DEF6: variants seen among roughly 807,000 people sequenced by gnomAD.
DEF6 encodes the protein differentially expressed in FDCP 6 homolog.
Under a neutral mutation model 80.5 loss-of-function variants are expected in DEF6, and 32 were observed. The observed-to-expected ratio is 0.40, with a 90% confidence interval of 0.30 to 0.53. The LOEUF (loss-of-function observed/expected upper bound fraction) is 0.53. Ranked by LOEUF, DEF6 falls within the 20% of genes least tolerant of loss-of-function variation. The pLI is 0.57. For missense variants in DEF6, 575 were observed against 818.7 expected, an observed-to-expected ratio of 0.70 and a Z score of 3.63; for synonymous variants, 300 against 337.9, an observed-to-expected ratio of 0.89 and a Z score of 1.23.
At chr6:35,314,087 A>T (rs1284647919) in intron 5 of DEF6, among the ~76,000 whole-genome samples, 7 of 152,058 alleles carry the variant, frequency 4.6e-5, no homozygotes, top group Admixed American at 4.6e-4. Flanking sequence ...CCCTTTCTCC[A>T]CGTCTTCTCC....
At chr6:35,299,775 G>T (rs1000813037) in intron 1 of DEF6, among the ~76,000 whole-genome samples, 33 of 152,054 alleles carry the variant, frequency 2.2e-4, no homozygotes, top group African/African-American at 6.8e-4. Context: ...CTAACAGTGG[G>T]AGTCTCAGGG....
intron 5 of DEF6, 169 bp from the exon 6 acceptor site, chr6:35,317,722 A>C: frequency 1.7e-4 from 83 of 475,068 alleles, no homozygotes; most frequent in Non-Finnish European, 1.9e-4. Context: ...AGTTGTGGGG[A>C]CTTAAGTCCC....
At chr6:35,317,854 G>A in intron 5 of DEF6, 37 bp from the exon 6 acceptor site, 1 of 1,591,864 alleles carries the variant, frequency 6.3e-7, no homozygotes, top group Non-Finnish European at 8.6e-7. Context: ...CTGACCCAGT[G>A]AGGCCAGCCT....
chr6:35,304,731 G>A (rs1275714584), intron 1 of DEF6, among the ~76,000 whole-genome samples: 1 of 152,068 alleles, frequency 6.6e-6, no homozygotes, highest in Non-Finnish European at 1.5e-5. Flanking sequence ...TGGAGTCAAG[G>A]TTGAGATTAG....
chr6:35,307,281 C>G (rs1288816617), intron 1 of DEF6, among the ~76,000 whole-genome samples: 1 of 152,212 alleles, frequency 6.6e-6, no homozygotes, highest in African/African-American at 2.4e-5. Flanking sequence ...CGTCAGCAAT[C>G]CCAGCTACTC....
chr6:35,300,754 C>T (rs1791303873), intron 1 of DEF6, among the ~76,000 whole-genome samples: 1 of 152,034 alleles, frequency 6.6e-6, no homozygotes, highest in Non-Finnish European at 1.5e-5. Flanking sequence ...GCAAGGTTCC[C>T]AGAACCGCCT....
intron 5 of DEF6, among the ~76,000 whole-genome samples, chr6:35,314,597 C>T (rs1342051025): frequency 6.6e-6 from 1 of 151,950 alleles, no homozygotes. Context: ...ATCTTTTGCC[C>T]ATTTTTAAAC....
At position 35,318,141 on chromosome 6, in the gene DEF6, G is replaced by A. The variant is rs745903640; in HGVS notation, c.917-32G>A. On this transcript the variant is annotated intron_variant, in intron 6 of 10. Transcript: ENST00000316637. The surrounding 1 kb of genome is among the most constrained non-coding windows in gnomAD (Gnocchi z 5.1). ...AGGCCCCTTTCGGGCCGTGTGCGAGGATCCTACTGACCCGCTCCCGCTCTT... is the reference window on the plus strand; with the variant it reads ...AGGCCCCTTTCGGGCCGTGTGCGAGAATCCTACTGACCCGCTCCCGCTCTT... 7.1e-5 allele frequency: 109 copies of A among 1,535,860 alleles called. No homozygotes were observed. The highest frequency in any genetic ancestry group is 1.0e-4 in the Admixed American group (5 of 48,594).
chr6:35,318,499 G>A lies in DEF6; in HGVS notation c.1215+28G>A. On this transcript the variant is annotated intron_variant, in intron 7 of 10. Transcript: ENST00000316637. This position sits in a 1 kb window ranked among gnomAD's most constrained non-coding sequence, Gnocchi z 5.1. ...GGGGTTAGCTCCCGGCGCCGGGGAC[G>A]GGACCGGTGGGCTGGGAGGCTGGCC... The A allele has an allele frequency of 2.9e-6, 4 of 1,369,730 alleles. No homozygotes were observed. Among genetic ancestry groups the A allele is most frequent in the South Asian group, 1.7e-5 (1 of 58,354 alleles). 84.8% of individuals were successfully genotyped at this position (1,369,730 alleles called of 1,614,324 possible).
At chr6:35,307,761 C>T (rs905557985) in intron 1 of DEF6, among the ~76,000 whole-genome samples, 7 of 152,326 alleles carry the variant, frequency 4.6e-5, no homozygotes, top group Admixed American at 6.5e-5. Context: ...GGATCTCCCA[C>T]TTCCCAGTTT....
rs1791435672 is a variant in DEF6, at chr6:35,309,549, C to G, written c.97-121C>G. The G allele has an allele frequency of 7.3e-6, 8 of 1,092,674 alleles. 1 individual carries two copies. Among genetic ancestry groups the G allele is most frequent in the East Asian group, 4.8e-5 (2 of 41,904 alleles). The allele number at this position is 1,092,674 out of a possible 1,614,324, so 67.7% of individuals were successfully genotyped here. ...AAGTTTTAGTTATTACTGAACTGAA[C>G]AGTGTGTGTAGAGAACTCAGCCAGG... On this transcript the variant is annotated intron_variant, in intron 1 of 10. Coordinates refer to ENST00000316637, the MANE Select transcript of DEF6 (RefSeq NM_022047.4).
chr6:35,318,250 C>T lies in DEF6; in HGVS notation c.994C>T (p.Gln332Ter). The T allele has an allele frequency of 6.3e-7, 1 of 1,579,688 alleles. No individual in the cohort carries two copies. The highest frequency in any genetic ancestry group is 1.1e-5 in the South Asian group (1 of 87,792). The change falls in exon 7 of 11, where the codon CAG becomes TAG. Residue 332 changes from glutamine to a stop codon, truncating the protein, a stop_gained. Coordinates refer to ENST00000316637, the MANE Select transcript of DEF6 (RefSeq NM_022047.4). LOFTEE classifies it high-confidence loss of function. This position sits in a 1 kb window ranked among gnomAD's most constrained non-coding sequence, Gnocchi z 5.1. ...HKDLKQKRREQREQRERRRAA... is the reference protein window; with the variant it reads ...HKDLKQKRRE ...GGACCTGAAGCAGAAACGGCGCGAG[C>T]AGCGGGAGCAGCGGGAGCGGCGCCG...
Position 35,319,838 on chromosome 6 carries a change from G to A in DEF6, c.1402G>A (p.Glu468Lys). 6.3e-7 allele frequency: 1 copy of A among 1,593,686 alleles called. No homozygotes were observed. The highest frequency in any genetic ancestry group is 8.5e-7 in the Non-Finnish European group (1 of 1,169,924). Residue 468 changes from glutamate (E) to lysine (K), a missense_variant, in exon 9 of 11, where the codon GAG becomes AAG. Physicochemically the swap from Glu to Lys is moderately conservative, Grantham distance 56 (BLOSUM62 1). Transcript: ENST00000316637. This position sits in a 1 kb window ranked among gnomAD's most constrained non-coding sequence, Gnocchi z 4.5. Reference protein sequence around the residue: ...AQTRLLEEEEEKLKQLMQLKE... With the variant: ...AQTRLLEEEEKKLKQLMQLKE... ...CGGCAGACTGCTGGAAGAGGAGGAAGAGAAGCTGAAGCAGTTGATGCAGCT... is the reference window on the plus strand; with the variant it reads ...CGGCAGACTGCTGGAAGAGGAGGAAAAGAAGCTGAAGCAGTTGATGCAGCT...
chr6:35,311,520 G>A lies in DEF6; in HGVS notation c.424-782G>A, dbSNP rs542058344. ...TCCCCCAGAAAGTCCTAAACAGAGT[G>A]TCCCAAAAAGCTGCTGGGGCAGGTG... On this transcript the variant is annotated intron_variant, in intron 3 of 10. Transcript: ENST00000316637. 1.6e-4 allele frequency among the ~76,000 whole-genome samples: 25 copies of A among 152,300 alleles called. No homozygotes were observed. The East Asian group carries it at 4.4e-3, about 27-fold the overall frequency.
At chr6:35,314,837 CTT>C (rs1236330501) in intron 5 of DEF6, among the ~76,000 whole-genome samples, 1 of 152,014 alleles carries the variant, frequency 6.6e-6, no homozygotes, top group Non-Finnish European at 1.5e-5. Context: ...CAAAAAATCT[CTT>C]TGCCCAGACC....
intron 1 of DEF6, among the ~76,000 whole-genome samples, chr6:35,305,565 G>GGT (rs1442099998): frequency 6.6e-6 from 1 of 150,736 alleles, no homozygotes; most frequent in African/African-American, 2.4e-5. Flanking sequence ...TTTTTGTGGG[G>GGT]GTGTGTGTGT....
chr6:35,299,575 C>A (rs534281443), intron 1 of DEF6, among the ~76,000 whole-genome samples: 19 of 152,320 alleles, frequency 1.2e-4, no homozygotes, highest in Admixed American at 1.2e-3. Flanking sequence ...CTACCCACTC[C>A]CTCATCCCCA....
intron 1 of DEF6, among the ~76,000 whole-genome samples, chr6:35,303,214 G>T (rs1327678675): frequency 6.6e-6 from 1 of 152,154 alleles, no homozygotes; most frequent in African/African-American, 2.4e-5. Context: ...GGTTCTTCAG[G>T]ATCCAATGGC....
rs1438613686 is a variant in DEF6 at position 35,312,658 on chromosome 6, G to A, written c.693G>A (p.Arg231=). ...GYLWKRGHLR[R]NWAERWFQLQ... ...TGTGGAAGCGAGGGCACCTGAGAAG[G>A]AACTGGGCCGAACGCTGGTTCCAGC... The change falls in exon 5 of 11, where the codon AGG becomes AGA. Residue 231 remains arginine, a synonymous_variant. Coordinates refer to ENST00000316637, the MANE Select transcript of DEF6 (RefSeq NM_022047.4). The surrounding 1 kb of genome is among the most constrained non-coding windows in gnomAD (Gnocchi z 6.6). 1 of 1,613,912 alleles carries A rather than the reference G, an allele frequency of 6.2e-7. No individual in the cohort carries two copies. The highest frequency in any genetic ancestry group is 8.5e-7 in the Non-Finnish European group (1 of 1,179,984).
Sources: allele counts gnomAD v4.1 joint callset (sites outside exome capture counted in the v4.1 genomes callset), GRCh38; gene constraint gnomAD v4.1.1; non-coding constraint Gnocchi (gnomAD v3.1); transcripts MANE v1.5; gene names NCBI Gene and HGNC (gene_info 2026-07-23, HGNC 2026-07-21).